INPP4B: variants seen among roughly 807,000 people sequenced by gnomAD.
INPP4B encodes the protein inositol polyphosphate-4-phosphatase type II B.
A neutral mutation model predicts 122.5 loss-of-function variants in INPP4B; 55 were observed. The observed-to-expected ratio is 0.45, with a 90% CI of 0.36 to 0.56. The LOEUF (loss-of-function observed/expected upper bound fraction) is 0.56, where lower values mean the gene tolerates loss of function less well. Ranked by LOEUF, INPP4B falls within the 20% of genes least tolerant of loss-of-function variation. The pLI is 0.00. For synonymous variants in INPP4B, 403 were observed against 388.7 expected, an observed-to-expected ratio of 1.04 and a Z score of -0.43; for missense variants, 1,000 against 1,097.7, an observed-to-expected ratio of 0.91 and a Z score of 1.26.
intron 5 of INPP4B, among the ~76,000 whole-genome samples, chr4:142,415,998 T>G (rs1189206751): frequency 1.4e-5 from 2 of 146,218 alleles, no homozygotes; most frequent in Admixed American, 1.4e-4. Flanking sequence ...CTCTGGGGAC[T>G]GTTGTGGGGT....
chr4:142,286,232 C>A lies in INPP4B; in HGVS notation c.504-15458G>T, dbSNP rs767745898. On this transcript the variant is annotated intron_variant, in intron 9 of 25. Transcript: ENST00000262992. Reference sequence around the variant, plus strand: ...TTCAACATAAAGTACACGGGAAAGCCATCTACTTTCTTCTATGAATAGCTC... The same window carrying A: ...TTCAACATAAAGTACACGGGAAAGCAATCTACTTTCTTCTATGAATAGCTC... Among the ~76,000 whole-genome samples the A allele has an allele frequency of 7.2e-5, 11 of 152,152 alleles. 1 individual carries two copies. In the South Asian group the frequency reaches 1.2e-3, roughly 17 times the overall value.
At chr4:142,194,861 G>A (rs1199919227) in intron 14 of INPP4B, among the ~76,000 whole-genome samples, 1 of 152,094 alleles carries the variant, frequency 6.6e-6, no homozygotes, top group South Asian at 2.1e-4. Flanking sequence ...TGTTATCTAC[G>A]ATTATTATTT....
At chr4:142,613,412 C>G (rs1743001657) in intron 2 of INPP4B, among the ~76,000 whole-genome samples, 3 of 152,082 alleles carry the variant, frequency 2.0e-5, no homozygotes, top group Admixed American at 1.3e-4. Context: ...GATTACAAAA[C>G]TAAAAGACTG....
In INPP4B at chr4:142,141,052, T is replaced by G. The variant is rs1446864970; in HGVS notation, c.1720+4788A>C. 2.6e-5 allele frequency among the ~76,000 whole-genome samples: 4 copies of G among 152,110 alleles called. No homozygotes were observed. The East Asian group carries it at 7.7e-4, about 29-fold the overall frequency. On this transcript the variant is annotated intron_variant, in intron 18 of 25. Coordinates refer to ENST00000262992, the MANE Select transcript of INPP4B (RefSeq NM_001101669.3). ...TGCTTGAAGCTATTCCTTTGAAAAA[T>G]GATTGAAAAGGTGACAATTCAAAAG... is the stretch of plus-strand genomic sequence containing the variant.
At chr4:142,175,365 T>G (rs911038000) in intron 15 of INPP4B, among the ~76,000 whole-genome samples, 1 of 152,096 alleles carries the variant, frequency 6.6e-6, no homozygotes, top group African/African-American at 2.4e-5. Context: ...GAAACAATTT[T>G]TTTTTTGCAA....
intron 2 of INPP4B, among the ~76,000 whole-genome samples, chr4:142,576,463 T>C (rs903720110): frequency 6.6e-6 from 1 of 151,972 alleles, no homozygotes; most frequent in Admixed American, 6.6e-5. Context: ...TTAACTTCCT[T>C]ATCTGCACCA....
rs1278146697 is a variant in INPP4B at position 142,484,888 on chromosome 4, C to T, written c.-190-22162G>A. Among the ~76,000 whole-genome samples the T allele has an allele frequency of 6.6e-5, 10 of 151,992 alleles. No individual in the cohort carries two copies. The South Asian group carries it at 8.3e-4, about 13-fold the overall frequency. On this transcript the variant is annotated intron_variant, in intron 2 of 25. Coordinates refer to ENST00000262992, the MANE Select transcript of INPP4B (RefSeq NM_001101669.3). The stretch of plus-strand genomic sequence containing the variant: ...TGTTTAGATGTTATAAAAACAATTG[C>T]AAATAGGGGTCCTGTATTTCGTTTT...
At position 142,208,606 on chromosome 4, in the gene INPP4B, G is replaced by GA. The variant is rs1843539862; in HGVS notation, c.968-78dup. 31 of 753,008 alleles carry GA rather than the reference G, an allele frequency of 4.1e-5. 1 individual carries two copies. In the South Asian group the frequency reaches 7.3e-4, roughly 18 times the overall value. 46.6% of individuals were successfully genotyped at this position (753,008 alleles called of 1,614,324 possible). A position where few individuals can be genotyped will look rare whatever the true frequency, so the allele number is the denominator to read the frequency against. On this transcript the variant is annotated intron_variant, in intron 13 of 25. Coordinates refer to ENST00000262992, the MANE Select transcript of INPP4B (RefSeq NM_001101669.3). ...TGTGTGTTAAAAGATAAATTTGACA[G>GA]AAAAATGTTAAAATAACTTCAGAAA...
chr4:142,423,971 T>G (rs2149328185), intron 5 of INPP4B, among the ~76,000 whole-genome samples: 1 of 152,196 alleles, frequency 6.6e-6, no homozygotes, highest in African/African-American at 2.4e-5. Context: ...ATATGTAGCT[T>G]GTATAATAAA....
intron 2 of INPP4B, among the ~76,000 whole-genome samples, chr4:142,466,841 G>T (rs1211151829): frequency 1.3e-5 from 2 of 152,136 alleles, no homozygotes; most frequent in Non-Finnish European, 2.9e-5. Flanking sequence ...TCCACATCCT[G>T]GCCACTCCAT....
At chr4:142,215,834 A>G (rs1846908363) in intron 12 of INPP4B, among the ~76,000 whole-genome samples, 1 of 132,016 alleles carries the variant, frequency 7.6e-6, no homozygotes, top group Non-Finnish European at 1.6e-5. Context: ...CGGAGCTTGC[A>G]GTGAGCTGAG....
chr4:142,703,038 A>C (rs1320114754), intron 2 of INPP4B, among the ~76,000 whole-genome samples: 1 of 152,194 alleles, frequency 6.6e-6, no homozygotes, highest in Non-Finnish European at 1.5e-5. Flanking sequence ...CAAGTTACTT[A>C]ACTTCTATCA....
At chr4:142,502,772 C>G (rs1201468238) in intron 2 of INPP4B, among the ~76,000 whole-genome samples, 2 of 152,100 alleles carry the variant, frequency 1.3e-5, no homozygotes, top group Non-Finnish European at 2.9e-5. Flanking sequence ...TGAGCCCATG[C>G]CTGGCTATCC....
At chr4:142,270,241 A>G (rs1442015658) in intron 10 of INPP4B, among the ~76,000 whole-genome samples, 1 of 152,210 alleles carries the variant, frequency 6.6e-6, no homozygotes, top group South Asian at 2.1e-4. Flanking sequence ...TCCTTCACGT[A>G]AAGGTGAAAT....
chr4:142,835,310 T>C (rs2151194628), intron 1 of INPP4B, among the ~76,000 whole-genome samples: 1 of 152,266 alleles, frequency 6.6e-6, no homozygotes, highest in South Asian at 2.1e-4. Context: ...GATAAATAAG[T>C]CTCAGCTTCA....
chr4:142,828,740 C>A (rs1017516757), intron 1 of INPP4B, among the ~76,000 whole-genome samples: 4 of 152,072 alleles, frequency 2.6e-5, no homozygotes, highest in Non-Finnish European at 5.9e-5. Context: ...GATATCAGAA[C>A]TAACAGACAC....
intron 1 of INPP4B, among the ~76,000 whole-genome samples, chr4:142,827,986 A>C (rs1722355743): frequency 6.6e-6 from 1 of 152,138 alleles, no homozygotes; most frequent in Admixed American, 6.6e-5. Context: ...GGTACCCAAA[A>C]CTTAAAGGAT....
intron 15 of INPP4B, among the ~76,000 whole-genome samples, chr4:142,174,804 T>A (rs982756859): frequency 6.6e-5 from 10 of 151,844 alleles, no homozygotes; most frequent in African/African-American, 1.2e-4. Flanking sequence ...TAAAAAAAAA[T>A]TTTTTCATAG....
chr4:142,150,400 C>T (rs559219093), intron 17 of INPP4B, among the ~76,000 whole-genome samples: 18 of 152,230 alleles, frequency 1.2e-4, no homozygotes, highest in African/African-American at 4.3e-4. Context: ...GGGACTTTTC[C>T]CCAGAAATAG....
Sources: gnomAD v4.1 joint callset for allele counts (sites outside exome capture counted in the v4.1 genomes callset) on GRCh38, gnomAD v4.1.1 for gene constraint, MANE v1.5 for transcripts, NCBI Gene and HGNC (gene_info 2026-07-23, HGNC 2026-07-21) for gene names.